GIT2: variants seen among roughly 807,000 people sequenced by gnomAD.
The protein encoded by GIT2 is GIT ArfGAP 2.
GIT2 carries 32 observed loss-of-function variants against 100.3 expected under a neutral mutation model. The ratio of observed to expected loss-of-function variants is 0.32; its 90% CI spans 0.24 to 0.43. The LOEUF (loss-of-function observed/expected upper bound fraction) is 0.43. GIT2 is among the 20% of genes least tolerant of loss of function. The pLI, the probability that GIT2 is intolerant of heterozygous loss-of-function variation, is 1.00. For synonymous variants in GIT2, 353 were observed against 364.1 expected (o/e 0.97, Z 0.35); for missense variants, 737 against 975.1 (o/e 0.76, Z 3.25).
intron 15 of GIT2, 145 bp from the exon 16 acceptor site, chr12:109,945,494 C>A: frequency 3.2e-6 from 2 of 629,672 alleles, no homozygotes; most frequent in Non-Finnish European, 5.8e-6. Context: ...AGTGACAGGA[C>A]CCCAGAGATG....
intron 7 of GIT2, among the ~76,000 whole-genome samples, chr12:109,969,691 C>A (rs190853396): frequency 6.6e-6 from 1 of 151,880 alleles, no homozygotes; most frequent in Non-Finnish European, 1.5e-5. Flanking sequence ...GGATTACAGG[C>A]GTGAGCCACC....
At position 109,931,946 on chromosome 12, in the gene GIT2, T is replaced by C. The variant is rs778635869; in HGVS notation, c.*1032A>G. 2.0e-5 allele frequency: 3 copies of C among 152,210 alleles called. No homozygotes were observed. The highest frequency in any genetic ancestry group is 7.2e-5 in the African/African-American group (3 of 41,424). The allele number at this position is 152,210 out of a possible 1,614,324, so 9.4% of individuals were successfully genotyped here. A position where few individuals can be genotyped will look rare whatever the true frequency, so the allele number is the denominator to read the frequency against. ...GAGAAACTAACTCAGATGACTGCGA[T>C]ACGATACATCTTTCCTTATAAGAAG... On this transcript the variant is annotated 3_prime_UTR_variant, in exon 20 of 20. Coordinates refer to ENST00000355312, the MANE Select transcript of GIT2 (RefSeq NM_057169.5).
intron 7 of GIT2, among the ~76,000 whole-genome samples, chr12:109,973,350 A>T (rs1379633994): frequency 2.0e-5 from 3 of 152,086 alleles, no homozygotes; most frequent in African/African-American, 7.2e-5. Context: ...CATGTTGGCC[A>T]GGCTGGTCTC....
chr12:109,975,055 A>C (rs1231054304), intron 7 of GIT2, among the ~76,000 whole-genome samples: 1 of 152,154 alleles, frequency 6.6e-6, no homozygotes, highest in Non-Finnish European at 1.5e-5. Context: ...TCTGAAGTCT[A>C]CTTTGTCTGA....
At chr12:109,998,302 A>G (rs1168119211), upstream of GIT2, 1 of 152,226 alleles carries the variant, frequency 6.6e-6, no homozygotes, top group East Asian at 1.9e-4. Context: ...TTAACAACTC[A>G]CAAATCTTCT....
intron 4 of GIT2, among the ~76,000 whole-genome samples, chr12:109,985,426 G>C (rs1390612282): frequency 6.6e-6 from 1 of 151,946 alleles, no homozygotes; most frequent in African/African-American, 2.4e-5. Flanking sequence ...AAAAGGGGGG[G>C]GAAAAAAGGC....
chr12:109,951,599 T>C (rs11069018), intron 13 of GIT2, among the ~76,000 whole-genome samples: 12,544 of 152,304 alleles, frequency 0.082, 555 homozygotes, highest in Middle Eastern at 0.13. Flanking sequence ...TAAGCCTTTC[T>C]CTCGTTCACT....
intron 8 of GIT2, among the ~76,000 whole-genome samples, chr12:109,966,287 C>T (rs1396581030): frequency 1.3e-5 from 2 of 150,252 alleles, no homozygotes; most frequent in African/African-American, 2.4e-5. Flanking sequence ...AGCCACTGCC[C>T]TGGCGAGGTC....
At chr12:109,974,533 AAGC>A (rs1485777787) in intron 7 of GIT2, among the ~76,000 whole-genome samples, 1 of 152,226 alleles carries the variant, frequency 6.6e-6, no homozygotes, top group Non-Finnish European at 1.5e-5. Context: ...TTCCAAAAAA[AAGC>A]AGCATGTTGT....
rs191310414 is a variant in GIT2, at chr12:109,952,082, G to A, written c.1243-766C>T. ...ACCAGGTGGCTTCCGGGAAGTCTGC[G>A]CAGGGGTGTCCCCTGCATCTGCTAA... On this transcript the variant is annotated intron_variant, in intron 13 of 19. Coordinates refer to ENST00000355312, the MANE Select transcript of GIT2 (RefSeq NM_057169.5). Among the ~76,000 whole-genome samples the A allele has an allele frequency of 5.3e-3, 809 of 152,264 alleles. 9 individuals carry two copies. Among genetic ancestry groups the A allele is most frequent in the African/African-American group, 0.019 (776 of 41,544 alleles).
At chr12:109,967,593 T>C (rs1882819257) in intron 7 of GIT2, 90 bp from the exon 8 acceptor site, 3 of 909,554 alleles carry the variant, frequency 3.3e-6, no homozygotes, top group East Asian at 2.4e-5. Context: ...AAACTAAGTT[T>C]TGCGATTAGT....
At chr12:109,973,657 A>G (rs377043173) in intron 7 of GIT2, among the ~76,000 whole-genome samples, 10 of 147,836 alleles carry the variant, frequency 6.8e-5, no homozygotes, top group African/African-American at 2.2e-4. Context: ...AGTTTCATTG[A>G]TTTCTGCTCT....
At chr12:109,982,693 T>C (rs1394973253) in intron 6 of GIT2, 1 of 148,974 alleles carries the variant, frequency 6.7e-6, no homozygotes, top group African/African-American at 2.5e-5. Context: ...CAGATTGGAG[T>C]GCAGTGGCAT....
chr12:109,980,443 A>C (rs1200989876), intron 7 of GIT2, among the ~76,000 whole-genome samples: 1 of 151,766 alleles, frequency 6.6e-6, no homozygotes, highest in Non-Finnish European at 1.5e-5. Context: ...ACCTAGGCTG[A>C]AGTGCAGTGG....
chr12:109,963,571 A>G (rs1881572119), intron 9 of GIT2, among the ~76,000 whole-genome samples: 1 of 152,270 alleles, frequency 6.6e-6, no homozygotes, highest in Admixed American at 6.5e-5. Flanking sequence ...AGCTAGTGAC[A>G]GACCTGAGAT....
At position 109,991,708 on chromosome 12, in the gene GIT2, G is replaced by GC; in HGVS notation, c.104dup (p.Cys35TrpfsTer31). On this transcript the variant is annotated frameshift_variant, in exon 2 of 20. Coordinates refer to ENST00000355312, the MANE Select transcript of GIT2 (RefSeq NM_057169.5). LOFTEE classifies it high-confidence loss of function. ...GGCGCCCTAGACTCCGATGGACACT[G>GC]CAGCACTCATCACATAAAAACGTTC... 1 of 1,612,218 alleles carries GC rather than the reference G, an allele frequency of 6.2e-7. No homozygotes were observed. Among genetic ancestry groups the GC allele is most frequent in the Non-Finnish European group, 8.5e-7 (1 of 1,178,266 alleles).
chr12:109,948,388 CA>C lies in GIT2; in HGVS notation c.1393-885del. ...CATGCTAATCTGCCTGGCACCACCCCATTTTAGAGACTGTCACTTGGAGGCC... is the reference window on the plus strand; with the variant it reads ...CATGCTAATCTGCCTGGCACCACCCCTTTTAGAGACTGTCACTTGGAGGCC... On this transcript the variant is annotated intron_variant, in intron 14 of 19. Transcript: ENST00000355312. The surrounding 1 kb of genome is among the most constrained non-coding windows in gnomAD (Gnocchi z 4.3). 1.0e-6 allele frequency: 1 copy of C among 995,914 alleles called. No homozygotes were observed. The highest frequency in any genetic ancestry group is 4.6e-5 in the South Asian group (1 of 21,736). 61.7% of individuals were successfully genotyped at this position (995,914 alleles called of 1,614,324 possible).
At chr12:109,945,431 T>TC in intron 15 of GIT2, 82 bp from the exon 16 acceptor site, 2 of 733,870 alleles carry the variant, frequency 2.7e-6, no homozygotes, top group Non-Finnish European at 5.0e-6. Flanking sequence ...AGTAAAAGAA[T>TC]CCTGGAACAC....
rs56777979 is a variant in GIT2 at position 109,967,026 on chromosome 12, C to T, written c.764+432G>A. Reference sequence around the variant, plus strand: ...CACACCCATTCATTTATAGAGTGTCCACAGATGCTTTCATCTACAACAGTA... The same window carrying T: ...CACACCCATTCATTTATAGAGTGTCTACAGATGCTTTCATCTACAACAGTA... On this transcript the variant is annotated intron_variant, in intron 8 of 19. Transcript: ENST00000355312. Among the ~76,000 whole-genome samples, 1,394 of 152,188 alleles carry T rather than the reference C, an allele frequency of 9.2e-3. 32 individuals carry two copies. Among genetic ancestry groups the T allele is most frequent in the African/African-American group, 0.032 (1,322 of 41,494 alleles).
Sources: gnomAD v4.1 joint callset for allele counts (sites outside exome capture counted in the v4.1 genomes callset) on GRCh38, gnomAD v4.1.1 for gene constraint, Gnocchi (gnomAD v3.1) non-coding constraint, MANE v1.5 for transcripts, NCBI Gene and HGNC (gene_info 2026-07-23, HGNC 2026-07-21) for gene names.